Variants in FBXW7 observed in about 807,000 individuals in gnomAD.
The protein encoded by FBXW7 is F-box and WD repeat domain containing 7, also known as F-box/WD repeat-containing protein 7.
Under a neutral mutation model 86.3 loss-of-function variants are expected in FBXW7, and 11 were observed. The ratio of observed to expected loss-of-function variants is 0.13; its 90% CI spans 0.08 to 0.21. The LOEUF (loss-of-function observed/expected upper bound fraction) is 0.21. FBXW7 is among the 10% of genes least tolerant of loss of function. The pLI, the probability that FBXW7 is intolerant of heterozygous loss-of-function variation, is 1.00. For synonymous variants in FBXW7, 313 were observed against 297.9 expected (o/e 1.05, Z -0.52); for missense variants, 488 against 847.4 (o/e 0.58, Z 5.27).
intron 7 of FBXW7, among the ~76,000 whole-genome samples, chr4:152,335,476 G>A (rs765749984): frequency 3.9e-5 from 6 of 152,094 alleles, no homozygotes; most frequent in Admixed American, 1.3e-4. Context: ...CTGTCCAACC[G>A]CTATGGTAGG....
At chr4:152,349,407 T>C (rs570456608) in intron 5 of FBXW7, among the ~76,000 whole-genome samples, 16 of 152,030 alleles carry the variant, frequency 1.1e-4, no homozygotes, top group East Asian at 1.9e-4. Context: ...GGCTGGGCAA[T>C]AGACATTGTG....
chr4:152,519,289 C>G (rs1271714625), intron 2 of FBXW7, among the ~76,000 whole-genome samples: 1 of 151,886 alleles, frequency 6.6e-6, no homozygotes, highest in Non-Finnish European at 1.5e-5. Flanking sequence ...CAGAGTGAGA[C>G]TCTGTCTCAA....
intron 4 of FBXW7, among the ~76,000 whole-genome samples, chr4:152,398,762 A>T (rs1159418879): frequency 1.3e-5 from 2 of 152,034 alleles, no homozygotes; most frequent in Non-Finnish European, 2.9e-5. Context: ...AAATACACAA[A>T]ATTATGTCTC....
intron 2 of FBXW7, among the ~76,000 whole-genome samples, chr4:152,426,832 G>A (rs966211377): frequency 6.6e-6 from 1 of 152,188 alleles, no homozygotes; most frequent in Non-Finnish European, 1.5e-5. Flanking sequence ...AACTGTGGGA[G>A]TGAAATAAAA....
chr4:152,332,067 A>G (rs1372940458), intron 8 of FBXW7, among the ~76,000 whole-genome samples: 1 of 151,898 alleles, frequency 6.6e-6, no homozygotes, highest in Non-Finnish European at 1.5e-5. Context: ...ATATTTTTTC[A>G]AAAATATTTT....
intron 2 of FBXW7, among the ~76,000 whole-genome samples, chr4:152,469,798 G>A (rs1440814975): frequency 6.6e-6 from 1 of 152,016 alleles, no homozygotes. Context: ...GGTTTAAGGA[G>A]ACAAAAATTC....
At chr4:152,454,253 C>A (rs530626263) in intron 2 of FBXW7, among the ~76,000 whole-genome samples, 154 of 111,408 alleles carry the variant, frequency 1.4e-3, no homozygotes, top group African/African-American at 4.3e-3. Flanking sequence ...CTCTCTAAGC[C>A]CCCCCCCCCT....
intron 2 of FBXW7, among the ~76,000 whole-genome samples, chr4:152,497,539 A>C (rs1043666373): frequency 1.3e-5 from 2 of 152,164 alleles, no homozygotes; most frequent in Non-Finnish European, 2.9e-5. Context: ...AACTATGCAA[A>C]GACATTCAAC....
intron 2 of FBXW7, among the ~76,000 whole-genome samples, chr4:152,472,128 T>TA (rs1438266832): frequency 4.6e-5 from 7 of 151,974 alleles, no homozygotes; most frequent in Non-Finnish European, 8.8e-5. Context: ...AACTTTTATC[T>TA]AAAAAAAGAC....
intron 2 of FBXW7, among the ~76,000 whole-genome samples, chr4:152,453,269 A>ATGATTTCTTATCT (rs1742079506): frequency 6.6e-6 from 1 of 152,232 alleles, no homozygotes; most frequent in African/African-American, 2.4e-5. Flanking sequence ...AACAGGAAAG[A>ATGATTTCTTATCT]TGATTTCTTA....
chr4:152,361,679 T>C (rs925172445), intron 4 of FBXW7, among the ~76,000 whole-genome samples: 2 of 152,050 alleles, frequency 1.3e-5, no homozygotes, highest in Non-Finnish European at 2.9e-5. Flanking sequence ...CTCCAAATGT[T>C]TGAAAACTAA....
chr4:152,424,619 G>A (rs982690141), intron 2 of FBXW7, among the ~76,000 whole-genome samples: 40 of 152,190 alleles, frequency 2.6e-4, no homozygotes, highest in African/African-American at 9.4e-4. Flanking sequence ...AATGGAGAAC[G>A]AAACCTGCTC....
chr4:152,369,356 C>T (rs140391789), intron 4 of FBXW7, among the ~76,000 whole-genome samples: 1 of 152,012 alleles, frequency 6.6e-6, no homozygotes, highest in Non-Finnish European at 1.5e-5. Context: ...CCCTATAATC[C>T]GCGCTCTTAG....
At chr4:152,411,960 A>G in intron 3 of FBXW7, 88 bp from the exon 4 acceptor site, 2 of 1,237,690 alleles carry the variant, frequency 1.6e-6, no homozygotes, top group Non-Finnish European at 2.1e-6. Flanking sequence ...TCTAAATATC[A>G]TTAATGATTG....
intron 2 of FBXW7, among the ~76,000 whole-genome samples, chr4:152,438,270 T>G (rs1181934963): frequency 6.6e-6 from 1 of 152,242 alleles, no homozygotes; most frequent in African/African-American, 2.4e-5. Context: ...GCCATGTAAA[T>G]ATAACTTTAT....
chr4:152,441,470 A>G (rs1374022490), intron 2 of FBXW7, among the ~76,000 whole-genome samples: 1 of 152,196 alleles, frequency 6.6e-6, no homozygotes, highest in African/African-American at 2.4e-5. Flanking sequence ...TAAGACCAAC[A>G]TAAATGAGTG....
chr4:152,453,861 T>C (rs1171545759), intron 2 of FBXW7, among the ~76,000 whole-genome samples: 1 of 152,192 alleles, frequency 6.6e-6, no homozygotes, highest in Admixed American at 6.5e-5. Flanking sequence ...GAAAGGAGTA[T>C]AATGAACCTC....
At chr4:152,529,705 G>A (rs945829964) in intron 2 of FBXW7, among the ~76,000 whole-genome samples, 4 of 152,060 alleles carry the variant, frequency 2.6e-5, no homozygotes, top group Non-Finnish European at 5.9e-5. Context: ...GGTGGCTCAC[G>A]CCTGCAATCC....
At chr4:152,432,702 C>T (rs1035183311) in intron 2 of FBXW7, among the ~76,000 whole-genome samples, 7 of 152,138 alleles carry the variant, frequency 4.6e-5, no homozygotes, top group African/African-American at 1.4e-4. Context: ...GTCCCAGCTA[C>T]TAAAGAGGCT....
Sources: allele counts gnomAD v4.1 joint callset (sites outside exome capture counted in the v4.1 genomes callset), GRCh38; gene constraint gnomAD v4.1.1; transcripts MANE v1.5; gene names NCBI Gene and HGNC (gene_info 2026-07-23, HGNC 2026-07-21).